Variants in PBX1 observed in about 807,000 individuals in gnomAD.
The protein encoded by PBX1 is pre-B-cell leukemia transcription factor 1.
PBX1 carries 6 observed loss-of-function variants against 53.4 expected under a neutral mutation model. The ratio of observed to expected loss-of-function variants is 0.11; its 90% CI spans 0.06 to 0.22. The LOEUF (loss-of-function observed/expected upper bound fraction) is 0.22. Ranked by LOEUF, PBX1 falls within the 10% of genes least tolerant of loss-of-function variation. PBX1 has a pLI of 1.00. For missense variants in PBX1, 251 were observed against 551.4 expected (o/e 0.46, Z 5.46); for synonymous variants, 204 against 212.3 (o/e 0.96, Z 0.34).
chr1:164,754,905 G>A (rs1379200632), intron 2 of PBX1, among the ~76,000 whole-genome samples: 3 of 152,106 alleles, frequency 2.0e-5, no homozygotes, highest in African/African-American at 4.8e-5. Context: ...TCAATAAAAT[G>A]TAAAAAAAGA....
intron 2 of PBX1, among the ~76,000 whole-genome samples, chr1:164,746,388 C>G (rs1210384386): frequency 3.3e-5 from 5 of 152,026 alleles, no homozygotes; most frequent in African/African-American, 1.2e-4. Context: ...TCTTCTTCTT[C>G]TTCTTCAAGA....
chr1:164,576,676 T>G (rs1654266885), intron 2 of PBX1: 1 of 152,312 alleles, frequency 6.6e-6, no homozygotes, highest in Non-Finnish European at 1.5e-5. Context: ...ACCTCTTCTG[T>G]CCCGGCTGAC....
At chr1:164,844,183 A>T (rs1408231000) in intron 8 of PBX1, among the ~76,000 whole-genome samples, 7 of 151,080 alleles carry the variant, frequency 4.6e-5, no homozygotes, top group Admixed American at 2.0e-4. Flanking sequence ...CTTAAAAAAA[A>T]AGTTTTCTTA....
In PBX1 at chr1:164,609,755, A is replaced by G. The variant is rs144758131; in HGVS notation, c.265+46444A>G. On this transcript the variant is annotated intron_variant, in intron 2 of 8. Transcript: ENST00000420696. ...GTAGACAGGCTTAGAGGCAGAGACT[A>G]TTCTTACCTGGCTTACAGTTGTATT... Among the ~76,000 whole-genome samples, 105 of 152,322 alleles carry G rather than the reference A, an allele frequency of 6.9e-4. 1 individual carries two copies. The East Asian group carries it at 0.018, about 26-fold the overall frequency.
chr1:164,864,253 C>A (rs1296084302), intron 2 of PBX1, among the ~76,000 whole-genome samples: 1 of 151,980 alleles, frequency 6.6e-6, no homozygotes, highest in Non-Finnish European at 1.5e-5. Flanking sequence ...GTTTCCCATA[C>A]CTCCCTCCTC....
downstream of PBX1, among the ~76,000 whole-genome samples, chr1:164,853,623 G>A (rs767917183): frequency 3.0e-4 from 46 of 151,736 alleles, no homozygotes; most frequent in Non-Finnish European, 2.4e-4. Context: ...CCTTTTTTCC[G>A]ACGTTCTCCA....
intron 2 of PBX1, among the ~76,000 whole-genome samples, chr1:164,881,357 GA>G (rs1375750132): frequency 9.0e-5 from 8 of 88,684 alleles, no homozygotes; most frequent in Non-Finnish European, 1.7e-4. Context: ...AGGAAGGAAG[GA>G]AGGAGGAAAA....
chr1:164,863,661 G>A (rs997513575), intron 2 of PBX1, among the ~76,000 whole-genome samples: 1 of 152,178 alleles, frequency 6.6e-6, no homozygotes, highest in Non-Finnish European at 1.5e-5. Context: ...GCTATAAACT[G>A]ACAAATTAGT....
At chr1:164,815,226 G>A (rs751786632) in intron 6 of PBX1, 1 of 152,166 alleles carries the variant, frequency 6.6e-6, no homozygotes, top group Non-Finnish European at 1.5e-5. Context: ...CTTCTGCAGA[G>A]GATTTTAACA....
chr1:164,873,050 T>C (rs1482596665), intron 2 of PBX1, among the ~76,000 whole-genome samples: 1 of 152,210 alleles, frequency 6.6e-6, no homozygotes, highest in East Asian at 1.9e-4. Flanking sequence ...ATAATCCTCA[T>C]TTTATATTTA....
intron 2 of PBX1, among the ~76,000 whole-genome samples, chr1:164,730,196 T>TG (rs1238269422): frequency 6.6e-6 from 1 of 152,220 alleles, no homozygotes; most frequent in Non-Finnish European, 1.5e-5. Flanking sequence ...CAATTAGTTC[T>TG]GCCCTATTCC....
chr1:164,653,218 G>A (rs1372027099), intron 2 of PBX1, among the ~76,000 whole-genome samples: 1 of 151,976 alleles, frequency 6.6e-6, no homozygotes, highest in Non-Finnish European at 1.5e-5. Flanking sequence ...TTTGTACCCG[G>A]CTTTTACTTA....
At chr1:164,878,403 A>C (rs1672566839) in intron 2 of PBX1, among the ~76,000 whole-genome samples, 1 of 152,242 alleles carries the variant, frequency 6.6e-6, no homozygotes, top group African/African-American at 2.4e-5. Flanking sequence ...ATATCAGGTT[A>C]ATAAAACAAT....
At chr1:164,666,086 A>T (rs989348234) in intron 2 of PBX1, among the ~76,000 whole-genome samples, 5 of 152,160 alleles carry the variant, frequency 3.3e-5, no homozygotes, top group African/African-American at 1.2e-4. Context: ...GACAAGATGG[A>T]GTTGAAGAGA....
In PBX1 at chr1:164,559,684, GTCT is replaced by G. The variant is rs1652878974; in HGVS notation, c.-134_-132del. On this transcript the variant is annotated 5_prime_UTR_variant, in exon 1 of 9. Transcript: ENST00000420696. ...GCAAAGGGATTTTTTTTTTCTTTTGGTCTTCTTTTTTCCCCCTTCCCTGTTTAT... is the reference window on the plus strand; with the variant it reads ...GCAAAGGGATTTTTTTTTTCTTTTGGTCTTTTTTCCCCCTTCCCTGTTTAT... 7.5e-6 allele frequency: 4 copies of G among 530,536 alleles called. No homozygotes were observed. Among genetic ancestry groups the G allele is most frequent in the South Asian group, 6.7e-5 (2 of 29,844 alleles). 32.9% of individuals were successfully genotyped at this position (530,536 alleles called of 1,614,324 possible). A position where few individuals can be genotyped will look rare whatever the true frequency, so the allele number is the denominator to read the frequency against.
chr1:164,602,331 G>T (rs1656234080), intron 2 of PBX1, among the ~76,000 whole-genome samples: 1 of 152,210 alleles, frequency 6.6e-6, no homozygotes, highest in African/African-American at 2.4e-5. Flanking sequence ...CTCGGTTTCA[G>T]TTTCTGCAGC....
At chr1:164,828,438 T>A (rs1670581057) in intron 8 of PBX1, 1 of 152,220 alleles carries the variant, frequency 6.6e-6, no homozygotes, top group Non-Finnish European at 1.5e-5. Context: ...ACAATTATTG[T>A]TTTTCCATTC....
intron 2 of PBX1, among the ~76,000 whole-genome samples, chr1:164,669,148 A>G (rs1210934484): frequency 6.7e-6 from 1 of 149,912 alleles, no homozygotes; most frequent in Non-Finnish European, 1.5e-5. Context: ...GGTATTCTTT[A>G]TGGTAAAGTA....
At chr1:164,704,362 ACTGT>A (rs1394942083) in intron 2 of PBX1, among the ~76,000 whole-genome samples, 1 of 152,238 alleles carries the variant, frequency 6.6e-6, no homozygotes, top group Non-Finnish European at 1.5e-5. Context: ...CTGGGTTTAT[ACTGT>A]CTGTGTTATT....
Sources: allele counts gnomAD v4.1 joint callset (sites outside exome capture counted in the v4.1 genomes callset), GRCh38; gene constraint gnomAD v4.1.1; transcripts MANE v1.5; gene names NCBI Gene and HGNC (gene_info 2026-07-23, HGNC 2026-07-21).